PRDM15: variants seen among roughly 807,000 people sequenced by gnomAD.
PRDM15 encodes PR/SET domain 15, also known as PR domain zinc finger protein 15.
PRDM15 carries 64 observed loss-of-function variants against 128.6 expected under a neutral mutation model. The observed-to-expected ratio is 0.50, with a 90% CI of 0.41 to 0.61. The LOEUF (loss-of-function observed/expected upper bound fraction) is 0.61. PRDM15 is among the 20% of genes least tolerant of loss of function. The probability of loss-of-function intolerance (pLI) is 0.00; values close to 1 mark genes in which losing one functional copy is unlikely to be tolerated. For missense variants in PRDM15, 1,242 were observed against 1,569.1 expected (o/e 0.79, Z 3.52); for synonymous variants, 615 against 621.8 (o/e 0.99, Z 0.16).
intron 7 of PRDM15, 118 bp downstream of exon 7, chr21:41,839,505 C>T (rs1038898795): frequency 1.4e-5 from 11 of 763,432 alleles, no homozygotes; most frequent in African/African-American, 3.5e-5. Flanking sequence ...CTACCTTCCA[C>T]GAGGCCTTTC....
chr21:41,806,936 T>A (rs978928277), intron 21 of PRDM15, among the ~76,000 whole-genome samples: 4 of 135,396 alleles, frequency 3.0e-5, no homozygotes, highest in Non-Finnish European at 6.5e-5. Context: ...ACTATCACCA[T>A]CACCACCACC....
chr21:41,810,015 A>T lies in PRDM15; in HGVS notation c.2652+139T>A. 1.3e-6 allele frequency: 1 copy of T among 792,280 alleles called. No individual in the cohort carries two copies. The highest frequency in any genetic ancestry group is 2.0e-6 in the Non-Finnish European group (1 of 509,074). The allele number at this position is 792,280 out of a possible 1,614,324, so 49.1% of individuals were successfully genotyped here. A position where few individuals can be genotyped will look rare whatever the true frequency, so the allele number is the denominator to read the frequency against. The stretch of plus-strand genomic sequence containing the variant: ...TGCCTCCTGTGTGGCAGGCAGTGCC[A>T]GTCACAGACGCACCTAAGACTCAGG... On this transcript the variant is annotated intron_variant, in intron 21 of 23. Coordinates refer to ENST00000398548, the MANE Select transcript of PRDM15 (RefSeq NM_001040424.3). The surrounding 1 kb of genome is among the most constrained non-coding windows in gnomAD (Gnocchi z 6.4).
At position 41,811,810 on chromosome 21, in the gene PRDM15, G is replaced by C. The variant is rs1412518793; in HGVS notation, c.2393-974C>G. On this transcript the variant is annotated intron_variant, in intron 19 of 23. Coordinates refer to ENST00000398548, the MANE Select transcript of PRDM15 (RefSeq NM_001040424.3). This position sits in a 1 kb window ranked among gnomAD's most constrained non-coding sequence, Gnocchi z 4.1. Reference sequence around the variant, plus strand: ...GCCATTCTCCTGCCTCAGCCTCTCTGAGTAGCTGGGACTACAGGCACCCGC... The same window carrying C: ...GCCATTCTCCTGCCTCAGCCTCTCTCAGTAGCTGGGACTACAGGCACCCGC... The C allele has an allele frequency of 6.6e-6, 1 of 151,440 alleles. No homozygotes were observed. Among genetic ancestry groups the C allele is most frequent in the African/African-American group, 2.4e-5 (1 of 41,218 alleles). The allele number at this position is 151,440 out of a possible 1,614,324, so 9.4% of individuals were successfully genotyped here.
intron 5 of PRDM15, among the ~76,000 whole-genome samples, chr21:41,847,558 C>G (rs2063305073): frequency 6.6e-6 from 1 of 152,156 alleles, no homozygotes. Context: ...TGTAATTCCT[C>G]ATCTCTCACT....
Position 41,806,975 on chromosome 21 carries a change from ACAC to A in PRDM15, c.2653-2364_2653-2362del, listed in dbSNP as rs1431410954. Among the ~76,000 whole-genome samples the A allele has an allele frequency of 3.6e-3, 490 of 135,890 alleles. 1 individual carries two copies. The highest frequency in any genetic ancestry group is 0.012 in the African/African-American group (422 of 35,792). 89.1% of individuals were successfully genotyped at this position (135,890 alleles called of 152,430 possible). ...TCCACCACCATCATCACCACCATCA[ACAC>A]CACCACCTCCCCCATCACCTCTACC... is the stretch of plus-strand genomic sequence containing the variant. On this transcript the variant is annotated intron_variant, in intron 21 of 23. Transcript: ENST00000398548.
At chr21:41,875,613 C>T (rs540649511) in intron 1 of PRDM15, among the ~76,000 whole-genome samples, 1 of 152,354 alleles carries the variant, frequency 6.6e-6, no homozygotes, top group South Asian at 2.1e-4. Flanking sequence ...ACAACGCACA[C>T]GAACAAGCTC....
At chr21:41,861,541 C>T (rs181240699) in intron 1 of PRDM15, 17 of 1,567,582 alleles carry the variant, frequency 1.1e-5, no homozygotes, top group Middle Eastern at 2.2e-4. Context: ...TCTGCCCCCC[C>T]CCAATCCCCA....
chr21:41,817,499 G>A (rs1468963366), intron 18 of PRDM15, among the ~76,000 whole-genome samples: 1 of 152,110 alleles, frequency 6.6e-6, no homozygotes, highest in Non-Finnish European at 1.5e-5. Flanking sequence ...CCCTGGTCAG[G>A]GCTAGAATTT....
At chr21:41,868,019 GCCTGGGCAA>G (rs1162941265) in intron 1 of PRDM15, among the ~76,000 whole-genome samples, 4 of 143,930 alleles carry the variant, frequency 2.8e-5, no homozygotes, top group African/African-American at 1.1e-4. Flanking sequence ...ATCCACTGCA[GCCTGGGCAA>G]CATTGTCTCA....
In PRDM15 at chr21:41,835,537, A is replaced by G; in HGVS notation, c.1279-13T>C. 1 of 1,603,882 alleles carries G rather than the reference A, an allele frequency of 6.2e-7. No homozygotes were observed. Among genetic ancestry groups the G allele is most frequent in the South Asian group, 1.1e-5 (1 of 91,016 alleles). ...ACTCGCCGTCCACCTGGTCAGAGGG[A>G]CACGCCGTGAGTGAGATGGCCCAGC... On this transcript the variant is annotated splice_polypyrimidine_tract_variant and intron_variant, in intron 10 of 23. Transcript: ENST00000398548.
intron 7 of PRDM15, among the ~76,000 whole-genome samples, 155 bp from the exon 8 acceptor site, chr21:41,838,218 A>G (rs1291919309): frequency 6.6e-6 from 1 of 152,056 alleles, no homozygotes; most frequent in Non-Finnish European, 1.5e-5. Flanking sequence ...AAAACTGTCA[A>G]TATTTTGGGA....
In PRDM15 at chr21:41,859,135, T is replaced by G; in HGVS notation, c.131+457A>C. ...TCACCAGGCCTGCAGGGACTGCTTC[T>G]GGAAGCTGCTGTGGGTCAGCCCTGT... On this transcript the variant is annotated intron_variant, in intron 3 of 23. Transcript: ENST00000398548. The surrounding 1 kb of genome is among the most constrained non-coding windows in gnomAD (Gnocchi z 5.3). 6.2e-7 allele frequency: 1 copy of G among 1,612,938 alleles called. No individual in the cohort carries two copies. The highest frequency in any genetic ancestry group is 8.5e-7 in the Non-Finnish European group (1 of 1,179,828).
Position 41,854,773 on chromosome 21 carries a change from C to A in PRDM15, c.331G>T (p.Glu111Ter). The change falls in exon 5 of 24, where the codon GAG (glutamate) becomes TAG (stop). Residue 111 changes from glutamate to a stop codon, truncating the protein, a stop_gained. Coordinates refer to ENST00000398548, the MANE Select transcript of PRDM15 (RefSeq NM_001040424.3). LOFTEE classifies it high-confidence loss of function. This position sits in a 1 kb window ranked among gnomAD's most constrained non-coding sequence, Gnocchi z 4.6. ...GHPVCFDTSN[E>*]DDCNWMMLVR... ...AGCATCATCCAGTTGCAGTCATCCT[C>A]GTTGGAGGTGTCGAAGCACACGGGG... The A allele has an allele frequency of 6.2e-7, 1 of 1,609,450 alleles. No homozygotes were observed.
Position 41,801,019 on chromosome 21 carries a change from C to A in PRDM15, c.*221G>T. The stretch of plus-strand genomic sequence containing the variant: ...TGCCTTGGTAAGGCATGGTGTGGAG[C>A]CCCATCCAGTTTAAAACTCTGGCCT... On this transcript the variant is annotated 3_prime_UTR_variant, in exon 24 of 24. Coordinates refer to ENST00000398548, the MANE Select transcript of PRDM15 (RefSeq NM_001040424.3). 1.8e-6 allele frequency: 1 copy of A among 542,374 alleles called. No homozygotes were observed. The highest frequency in any genetic ancestry group is 3.1e-6 in the Non-Finnish European group (1 of 323,570). The allele number at this position is 542,374 out of a possible 1,614,324, so 33.6% of individuals were successfully genotyped here.
intron 22 of PRDM15, among the ~76,000 whole-genome samples, chr21:41,803,994 T>C (rs2061489730): frequency 6.8e-6 from 1 of 147,222 alleles, no homozygotes; most frequent in African/African-American, 2.5e-5. Context: ...AGACACAGTC[T>C]CGCTCTGTTG....
chr21:41,810,033 G>T lies in PRDM15; in HGVS notation c.2652+121C>A, dbSNP rs2061811477. The stretch of plus-strand genomic sequence containing the variant: ...CAGTGCCAGTCACAGACGCACCTAA[G>T]ACTCAGGGCCTGCCTCCAGTACTGG... On this transcript the variant is annotated intron_variant, in intron 21 of 23. Coordinates refer to ENST00000398548, the MANE Select transcript of PRDM15 (RefSeq NM_001040424.3). The surrounding 1 kb of genome is among the most constrained non-coding windows in gnomAD (Gnocchi z 6.4). The T allele has an allele frequency of 1.6e-5, 16 of 988,020 alleles. No homozygotes were observed. Among genetic ancestry groups the T allele is most frequent in the Non-Finnish European group, 2.4e-5 (16 of 676,058 alleles). The allele number at this position is 988,020 out of a possible 1,614,324, so 61.2% of individuals were successfully genotyped here. A position where few individuals can be genotyped will look rare whatever the true frequency, so the allele number is the denominator to read the frequency against.
chr21:41,831,243 A>T (rs953047084), intron 11 of PRDM15, among the ~76,000 whole-genome samples: 1 of 152,184 alleles, frequency 6.6e-6, no homozygotes, highest in Non-Finnish European at 1.5e-5. Flanking sequence ...GCCGCCACAG[A>T]GTGTCTCAGG....
chr21:41,807,608 A>C (rs1235297678), intron 21 of PRDM15, among the ~76,000 whole-genome samples: 1 of 150,340 alleles, frequency 6.7e-6, no homozygotes, highest in African/African-American at 2.5e-5. Context: ...GCCTCTGTCT[A>C]CTTCTTATTT....
At chr21:41,851,869 C>G (rs1027076537) in intron 5 of PRDM15, among the ~76,000 whole-genome samples, 3 of 152,204 alleles carry the variant, frequency 2.0e-5, no homozygotes, top group Non-Finnish European at 4.4e-5. Context: ...TTTCTGAAAT[C>G]TAAGAGTAAC....
Sources: allele counts gnomAD v4.1 joint callset (sites outside exome capture counted in the v4.1 genomes callset), GRCh38; gene constraint gnomAD v4.1.1; non-coding constraint Gnocchi (gnomAD v3.1); transcripts MANE v1.5; gene names NCBI Gene and HGNC (gene_info 2026-07-23, HGNC 2026-07-21).